The following FMO3 variants were observed in gnomAD, a reference collection of about 807,000 sequenced individuals.
FMO3 encodes flavin containing dimethylaniline monoxygenase 3, also known as flavin-containing monooxygenase 3.
FMO3 carries 40 observed loss-of-function variants against 39.4 expected under a neutral mutation model. That is an observed-to-expected ratio of 1.02 (90% confidence interval 0.79 to 1.32). The LOEUF (loss-of-function observed/expected upper bound fraction) is 1.32. Among genes scored for constraint, FMO3 ranks in the 40% most tolerant of loss-of-function variants. The probability of loss-of-function intolerance (pLI) is 0.00; values close to 1 mark genes in which losing one functional copy is unlikely to be tolerated. For synonymous variants in FMO3, 219 were observed against 228.8 expected, an observed-to-expected ratio of 0.96 and a Z score of 0.39; for missense variants, 680 against 651.8, an observed-to-expected ratio of 1.04 and a Z score of -0.47.
At chr1:171,110,053 G>A (rs571042422) in intron 5 of FMO3, among the ~76,000 whole-genome samples, 3 of 152,094 alleles carry the variant, frequency 2.0e-5, no homozygotes, top group Non-Finnish European at 2.9e-5. Context: ...TTATCACATC[G>A]AATTAACGCT....
At chr1:171,096,303 CAT>C (rs1655046046) in intron 2 of FMO3, among the ~76,000 whole-genome samples, 1 of 77,066 alleles carries the variant, frequency 1.3e-5, no homozygotes, top group Non-Finnish European at 2.2e-5. Flanking sequence ...TATTATATAT[CAT>C]ATATAATATT....
rs1243884892 is a variant in FMO3, at chr1:171,096,051, T to TATAATATATATTATATATAA, written c.132+3264_132+3265insATATATATTATATATAAATA. Among the ~76,000 whole-genome samples, 14 of 56,798 alleles carry TATAATATATATTATATATAA rather than the reference T, an allele frequency of 2.5e-4. No individual in the cohort carries two copies. In the Admixed American group the frequency reaches 2.9e-3, roughly 12 times the overall value. The allele number at this position is 56,798 out of a possible 152,430, so 37.3% of individuals were successfully genotyped here. On this transcript the variant is annotated intron_variant, in intron 2 of 8. Transcript: ENST00000367755. ...ATATATAATATATATTATATATAAA[T>TATAATATATATTATATATAA]ATATAATATATATTATATATTAATA... is the stretch of plus-strand genomic sequence containing the variant.
At chr1:171,112,483 T>C (rs140702378) in intron 6 of FMO3, among the ~76,000 whole-genome samples, 5 of 152,248 alleles carry the variant, frequency 3.3e-5, no homozygotes, top group African/African-American at 4.8e-5. Context: ...GATTTCTGGA[T>C]AGCTTGAAGG....
intron 7 of FMO3, 129 bp downstream of exon 7, chr1:171,114,491 T>G (rs944195309): frequency 7.0e-6 from 5 of 716,446 alleles, no homozygotes; most frequent in Non-Finnish European, 9.8e-6. Context: ...TTCTATATTC[T>G]TTAGTGCTAT....
In FMO3 at chr1:171,103,804, G is replaced by A; in HGVS notation, c.152G>A (p.Arg51Lys). The A allele has an allele frequency of 6.2e-7, 1 of 1,613,566 alleles. No individual in the cohort carries two copies. The highest frequency in any genetic ancestry group is 8.5e-7 in the Non-Finnish European group (1 of 1,179,620). Residue 51 changes from arginine (R) to lysine (K), a missense_variant, in exon 3 of 9, where the codon AGG (arginine) becomes AAG (lysine). Arg to Lys is a conservative substitution (Grantham distance 26, BLOSUM62 2). Coordinates refer to ENST00000367755, the MANE Select transcript of FMO3 (RefSeq NM_001002294.3). ...WKFSDHAEEGRASIYKSVFSN... is the reference protein window; with the variant it reads ...WKFSDHAEEGKASIYKSVFSN... Reference sequence around the variant, plus strand: ...TCACAGGACCATGCAGAGGAGGGCAGGGCTAGCATTTACAAATCAGTCTTT... The same window carrying A: ...TCACAGGACCATGCAGAGGAGGGCAAGGCTAGCATTTACAAATCAGTCTTT...
rs759722345 is a variant in FMO3 at position 171,117,338 on chromosome 1, A to G, written c.1495A>G (p.Thr499Ala). Residue 499 changes from threonine to alanine, a missense_variant, in exon 9 of 9, where the codon ACA becomes GCA. By Grantham distance (58) the Thr-to-Ala change is moderately conservative (BLOSUM62 0). Coordinates refer to ENST00000367755, the MANE Select transcript of FMO3 (RefSeq NM_001002294.3). ...QWDRSLKPMQ[T>A]RVVGRLQKPC... The stretch of plus-strand genomic sequence containing the variant: ...GGACCGGTCGTTGAAACCCATGCAG[A>G]CACGAGTGGTCGGGAGACTTCAGAA... 6.2e-7 allele frequency: 1 copy of G among 1,613,648 alleles called. No individual in the cohort carries two copies. Among genetic ancestry groups the G allele is most frequent in the South Asian group, 1.1e-5 (1 of 91,064 alleles).
intron 6 of FMO3, among the ~76,000 whole-genome samples, chr1:171,112,814 T>C (rs926526694): frequency 3.3e-5 from 5 of 151,952 alleles, no homozygotes; most frequent in African/African-American, 1.2e-4. Flanking sequence ...TGCATGTAAA[T>C]GGAGGAGACT....
At chr1:171,091,141 A>G (rs1654681912) in intron 1 of FMO3, among the ~76,000 whole-genome samples, 160 bp downstream of exon 1, 1 of 151,724 alleles carries the variant, frequency 6.6e-6, no homozygotes, top group Non-Finnish European at 1.5e-5. Flanking sequence ...CAGGAGAATC[A>G]CTTGAATCTG....
chr1:171,096,039 ATT>A lies in FMO3; in HGVS notation c.132+3250_132+3251del, dbSNP rs1182812396. 4.6e-5 allele frequency among the ~76,000 whole-genome samples: 3 copies of A among 64,716 alleles called. 1 individual carries two copies. The highest frequency in any genetic ancestry group is 7.2e-5 in the Non-Finnish European group (3 of 41,944). 42.5% of individuals were successfully genotyped at this position (64,716 alleles called of 152,430 possible). Reference sequence around the variant, plus strand: ...TATTATATATTAATATATAATATATATTATATATAAATATATAATATATATTA... The same window carrying A: ...TATTATATATTAATATATAATATATAATATATAAATATATAATATATATTA... On this transcript the variant is annotated intron_variant, in intron 2 of 8. Coordinates refer to ENST00000367755, the MANE Select transcript of FMO3 (RefSeq NM_001002294.3).
intron 2 of FMO3, chr1:171,101,142 C>T (rs1362662933): frequency 4.4e-6 from 2 of 456,208 alleles, no homozygotes; most frequent in South Asian, 3.1e-5. Context: ...GAAATGCCAG[C>T]ATCCACCAGA....
chr1:171,096,729 A>AAT (rs1280045576), intron 2 of FMO3, among the ~76,000 whole-genome samples: 2 of 128,970 alleles, frequency 1.6e-5, no homozygotes, highest in East Asian at 2.8e-4. Context: ...TTATATTAAA[A>AAT]ATATATATAA....
At chr1:171,100,774 G>A in intron 2 of FMO3, 1 of 238,884 alleles carries the variant, frequency 4.2e-6, no homozygotes, top group Non-Finnish European at 8.5e-6. Context: ...AGGATGGCCT[G>A]TAATAGGCTG....
rs1251500390 is a variant in FMO3, at chr1:171,092,732, G to T, written c.74G>T (p.Gly25Val). 1.9e-6 allele frequency: 3 copies of T among 1,614,118 alleles called. No individual in the cohort carries two copies. The highest frequency in any genetic ancestry group is 2.5e-6 in the Non-Finnish European group (3 of 1,180,014). The change falls in exon 2 of 9, where the codon GGG (glycine) becomes GTG (valine). Residue 25 changes from glycine (G) to valine (V), a missense_variant. Transcript: ENST00000367755. ...TCCATCAGGAGCTGTCTGGAAGAGG[G>T]GCTGGAGCCCACCTGCTTTGAGAAG... is the stretch of plus-strand genomic sequence containing the variant. ...LASIRSCLEE[G>V]LEPTCFEKSN... is the part of the protein sequence containing the mutation.
intron 2 of FMO3, among the ~76,000 whole-genome samples, chr1:171,096,251 T>G (rs1191111355): frequency 1.4e-5 from 1 of 71,396 alleles, no homozygotes; most frequent in Non-Finnish European, 2.3e-5. Context: ...TCATACATAT[T>G]ATATAATTTT....
intron 5 of FMO3, 43 bp downstream of exon 5, chr1:171,108,264 A>T: frequency 1.2e-6 from 2 of 1,609,474 alleles, no homozygotes; most frequent in Non-Finnish European, 1.7e-6. Context: ...TTACTGACAG[A>T]AGAGTTATTA....
chr1:171,107,179 T>C (rs1461696533), intron 3 of FMO3, among the ~76,000 whole-genome samples: 2 of 152,194 alleles, frequency 1.3e-5, no homozygotes. Flanking sequence ...ACTCAGTGTA[T>C]AGTCCAAGTG....
At chr1:171,101,611 T>C (rs1398628996) in intron 2 of FMO3, 6 of 460,876 alleles carry the variant, frequency 1.3e-5, no homozygotes, top group Admixed American at 4.8e-5. Context: ...AGGGTGCATA[T>C]AGTTGAAACT....
Position 171,110,962 on chromosome 1 carries a change from C to T in FMO3, c.792C>T (p.Phe264=), listed in dbSNP as rs199793067. Residue 264 remains phenylalanine, a synonymous_variant, in exon 6 of 9, where the codon TTC becomes TTT. Transcript: ENST00000367755. The stretch of plus-strand genomic sequence containing the variant: ...ACGTGAAGCAGATGAATGCAAGATT[C>T]AAGCATGAAAACTATGGCTTGATGC... ...WLYVKQMNAR[F]KHENYGLMPL... is the part of the protein sequence containing the mutation. 1 of 1,613,894 alleles carries T rather than the reference C, an allele frequency of 6.2e-7. No homozygotes were observed. The highest frequency in any genetic ancestry group is 1.3e-5 in the African/African-American group (1 of 75,026).
intron 2 of FMO3, among the ~76,000 whole-genome samples, chr1:171,093,505 A>G (rs1654809522): frequency 2.2e-5 from 3 of 139,448 alleles, no homozygotes; most frequent in African/African-American, 3.4e-5. Flanking sequence ...GTGCATATAT[A>G]CATACATATA....
Sources: gnomAD v4.1 joint callset for allele counts (sites outside exome capture counted in the v4.1 genomes callset) on GRCh38, gnomAD v4.1.1 for gene constraint, MANE v1.5 for transcripts, NCBI Gene and HGNC (gene_info 2026-07-23, HGNC 2026-07-21) for gene names.